The following DOCK2 variants were observed in gnomAD, a reference collection of about 807,000 sequenced individuals.
DOCK2 encodes dedicator of cytokinesis 2, also known as dedicator of cytokinesis protein 2.
A neutral mutation model predicts 248.9 loss-of-function variants in DOCK2; 87 were observed. The observed-to-expected ratio is 0.35, with a 90% CI of 0.29 to 0.42. The LOEUF is 0.42. DOCK2 is among the 10% of genes least tolerant of loss of function. The probability of loss-of-function intolerance (pLI) is 1.00; values close to 1 mark genes in which losing one functional copy is unlikely to be tolerated. For missense variants in DOCK2, 1,747 were observed against 2,300.2 expected (o/e 0.76, Z 4.92); for synonymous variants, 805 against 821.6 (o/e 0.98, Z 0.35).
chr5:170,044,486 C>G (rs954697522), intron 38 of DOCK2, among the ~76,000 whole-genome samples: 1 of 152,168 alleles, frequency 6.6e-6, no homozygotes, highest in Non-Finnish European at 1.5e-5. Flanking sequence ...GATCTCTTAA[C>G]CCATGGGGAG....
intron 38 of DOCK2, 130 bp from the exon 39 acceptor site, chr5:170,045,686 G>A (rs752532492): frequency 2.0e-5 from 17 of 860,382 alleles, no homozygotes; most frequent in Non-Finnish European, 3.3e-5. Context: ...CTGTATGGGG[G>A]TGGATCTGGG....
At chr5:169,939,645 C>T (rs1362260733) in intron 27 of DOCK2, among the ~76,000 whole-genome samples, 1 of 152,004 alleles carries the variant, frequency 6.6e-6, no homozygotes. Flanking sequence ...AGGATGGGTG[C>T]GATGCCACTA....
At chr5:169,695,757 C>T (rs777534188) in intron 9 of DOCK2, 46 bp from the exon 10 acceptor site, 7 of 1,602,230 alleles carry the variant, frequency 4.4e-6, no homozygotes, top group African/African-American at 2.7e-5. Context: ...ACCTTTTTTC[C>T]CCCATTCAGC....
chr5:169,658,979 G>GCAT (rs1427376005), intron 2 of DOCK2, among the ~76,000 whole-genome samples: 15 of 134,472 alleles, frequency 1.1e-4, no homozygotes, highest in East Asian at 4.3e-4. Context: ...CTACAAGACT[G>GCAT]CATTATTATT....
At chr5:169,963,752 C>A (rs1482118545) in intron 27 of DOCK2, among the ~76,000 whole-genome samples, 1 of 152,092 alleles carries the variant, frequency 6.6e-6, no homozygotes, top group Non-Finnish European at 1.5e-5. Flanking sequence ...CTCTTCCTTC[C>A]CCCTAGCATC....
At chr5:169,977,370 A>G (rs1281108706) in intron 27 of DOCK2, among the ~76,000 whole-genome samples, 1 of 152,196 alleles carries the variant, frequency 6.6e-6, no homozygotes, top group Non-Finnish European at 1.5e-5. Context: ...AGGAATTTCA[A>G]TGAGCTAATC....
chr5:169,845,534 G>C (rs115790179), intron 27 of DOCK2, among the ~76,000 whole-genome samples: 1 of 152,312 alleles, frequency 6.6e-6, no homozygotes, highest in Non-Finnish European at 1.5e-5. Context: ...GAGTGAATAA[G>C]TGAAATAATC....
intron 40 of DOCK2, among the ~76,000 whole-genome samples, chr5:170,047,952 T>C (rs1207791002): frequency 1.3e-5 from 2 of 152,220 alleles, no homozygotes; most frequent in African/African-American, 4.8e-5. Flanking sequence ...GTTCTCAGGC[T>C]TTTTGGTTCC....
At chr5:169,794,162 C>A (rs1340497642) in intron 25 of DOCK2, among the ~76,000 whole-genome samples, 1 of 152,164 alleles carries the variant, frequency 6.6e-6, no homozygotes, top group Non-Finnish European at 1.5e-5. Flanking sequence ...AGTCCACCCG[C>A]CGGGTCTGAA....
At chr5:169,860,917 G>A (rs1412251688) in intron 27 of DOCK2, among the ~76,000 whole-genome samples, 1 of 152,098 alleles carries the variant, frequency 6.6e-6, no homozygotes, top group Non-Finnish European at 1.5e-5. Flanking sequence ...TTCTATTTTT[G>A]GAACATGATA....
intron 34 of DOCK2, among the ~76,000 whole-genome samples, chr5:170,030,379 A>T (rs28575091): frequency 0.057 from 8,647 of 152,180 alleles, 784 homozygotes; most frequent in African/African-American, 0.2. Flanking sequence ...TGCCTGCTCC[A>T]TCCTTTCACC....
chr5:170,041,924 CA>C, intron 37 of DOCK2, 88 bp from the exon 38 acceptor site: 1 of 1,464,122 alleles, frequency 6.8e-7, no homozygotes, highest in Admixed American at 2.1e-5. Flanking sequence ...TGTGTGTTGG[CA>C]GGGTGGTTCC....
chr5:169,776,026 A>T (rs1765363747), intron 25 of DOCK2, among the ~76,000 whole-genome samples: 5 of 151,924 alleles, frequency 3.3e-5, no homozygotes, highest in Middle Eastern at 3.4e-3. Flanking sequence ...AAATATTGTG[A>T]GTTGATTGTA....
intron 2 of DOCK2, among the ~76,000 whole-genome samples, chr5:169,660,185 G>T (rs10067009): frequency 6.6e-6 from 1 of 151,936 alleles, no homozygotes; most frequent in Admixed American, 6.6e-5. Context: ...TTGGGGTGGA[G>T]GAACTGTATC....
intron 27 of DOCK2, among the ~76,000 whole-genome samples, chr5:169,961,978 C>CAAAAAAAAAAAAAAAAG (rs1777105383): frequency 1.3e-5 from 1 of 74,654 alleles, no homozygotes; most frequent in East Asian, 4.4e-4. Flanking sequence ...GACTCTGTCC[C>CAAAAAAAAAAAAAAAAG]AAAAAAAAAA....
chr5:169,921,798 C>T (rs368955778), intron 27 of DOCK2, among the ~76,000 whole-genome samples: 1 of 152,202 alleles, frequency 6.6e-6, no homozygotes, highest in South Asian at 2.1e-4. Context: ...TGACAGTCTT[C>T]TCCCAGAGCT....
chr5:169,859,866 G>T (rs1433420814), intron 27 of DOCK2, among the ~76,000 whole-genome samples: 1 of 151,920 alleles, frequency 6.6e-6, no homozygotes. Context: ...TTCCCGGAGT[G>T]CTGTGCTGTA....
intron 26 of DOCK2, among the ~76,000 whole-genome samples, chr5:169,822,492 A>G (rs902581481): frequency 2.0e-5 from 3 of 152,224 alleles, no homozygotes; most frequent in Non-Finnish European, 2.9e-5. Flanking sequence ...CTGCATGGAA[A>G]CTGAACAACC....
At chr5:169,847,236 G>A (rs575728558) in intron 27 of DOCK2, among the ~76,000 whole-genome samples, 1 of 152,292 alleles carries the variant, frequency 6.6e-6, no homozygotes, top group Non-Finnish European at 1.5e-5. Flanking sequence ...AGATTGAATG[G>A]TAGATCTACT....
Sources: gnomAD v4.1 joint callset for allele counts (sites outside exome capture counted in the v4.1 genomes callset) on GRCh38, gnomAD v4.1.1 for gene constraint, MANE v1.5 for transcripts, NCBI Gene and HGNC (gene_info 2026-07-23, HGNC 2026-07-21) for gene names.